The following ZSCAN1 variants were observed in gnomAD, a reference collection of about 807,000 sequenced individuals.
ZSCAN1 encodes zinc finger and SCAN domain containing 1, also known as zinc finger and SCAN domain-containing protein 1.
ZSCAN1 carries 23 observed loss-of-function variants against 23.8 expected under a neutral mutation model. The ratio of observed to expected loss-of-function variants is 0.97; its 90% CI spans 0.70 to 1.37. ZSCAN1 has a LOEUF of 1.37. Among genes scored for constraint, ZSCAN1 ranks in the 40% most tolerant of loss-of-function variants. The pLI is 0.00. For missense variants in ZSCAN1, 575 were observed against 554.0 expected, an observed-to-expected ratio of 1.04 and a Z score of -0.38; for synonymous variants, 236 against 232.3, an observed-to-expected ratio of 1.02 and a Z score of -0.15.
intron 3 of ZSCAN1, among the ~76,000 whole-genome samples, chr19:58,039,283 G>A (rs930542032): frequency 5.9e-5 from 9 of 152,202 alleles, no homozygotes; most frequent in African/African-American, 1.9e-4. Context: ...CTGGCGCTCT[G>A]TGGACCTCAC....
chr19:58,045,207 C>T lies in ZSCAN1; in HGVS notation c.465+4663C>T, dbSNP rs1191865157. On this transcript the variant is annotated intron_variant, in intron 4 of 5. Transcript: ENST00000282326. This position sits in a 1 kb window ranked among gnomAD's most constrained non-coding sequence, Gnocchi z 4.3. ...GCTCCGGTTCTGTGCCGACCTCTTCCGCCTGGTGCCGTTCCTCCTGTTCGT... is the reference window on the plus strand; with the variant it reads ...GCTCCGGTTCTGTGCCGACCTCTTCTGCCTGGTGCCGTTCCTCCTGTTCGT... 4.7e-6 allele frequency: 4 copies of T among 855,006 alleles called. No individual in the cohort carries two copies. Among genetic ancestry groups the T allele is most frequent in the Non-Finnish European group, 6.1e-6 (3 of 489,024 alleles). 53.0% of individuals were successfully genotyped at this position (855,006 alleles called of 1,614,324 possible). A position where few individuals can be genotyped will look rare whatever the true frequency, so the allele number is the denominator to read the frequency against.
In ZSCAN1 at chr19:58,044,259, C is replaced by T. The variant is rs909278477; in HGVS notation, c.465+3715C>T. On this transcript the variant is annotated intron_variant, in intron 4 of 5. Transcript: ENST00000282326. ...TGCACTCCAGCCCGAGCAACAGGAG[C>T]GAAACTCCGTCTCAAAACAAAACAA... is the stretch of plus-strand genomic sequence containing the variant. Among the ~76,000 whole-genome samples the T allele has an allele frequency of 1.3e-4, 20 of 151,678 alleles. 1 individual carries two copies. The East Asian group carries it at 3.0e-3, about 22-fold the overall frequency.
At position 58,045,866 on chromosome 19, in the gene ZSCAN1, A is replaced by G. The variant is rs1282483393; in HGVS notation, c.465+5322A>G. ...ACCCTCTTGCCAGCCGACCAGCTCAAGTCCACACTGCAGACTCTCCCAGAG... is the reference window on the plus strand; with the variant it reads ...ACCCTCTTGCCAGCCGACCAGCTCAGGTCCACACTGCAGACTCTCCCAGAG... On this transcript the variant is annotated intron_variant, in intron 4 of 5. Transcript: ENST00000282326. This position sits in a 1 kb window ranked among gnomAD's most constrained non-coding sequence, Gnocchi z 4.3. The G allele has an allele frequency of 1.6e-5, 17 of 1,040,888 alleles. No individual in the cohort carries two copies. The highest frequency in any genetic ancestry group is 2.0e-4 in the Middle Eastern group (1 of 4,916). 64.5% of individuals were successfully genotyped at this position (1,040,888 alleles called of 1,614,324 possible).
At position 58,038,040 on chromosome 19, in the gene ZSCAN1, G is replaced by A; in HGVS notation, c.204G>A (p.Arg68=). ...GGACGCTGTGCCGCCAGTGGCTGAGGCCCGAGGCGCGCTCCAAGGAGCAGA... is the reference window on the plus strand; with the variant it reads ...GGACGCTGTGCCGCCAGTGGCTGAGACCCGAGGCGCGCTCCAAGGAGCAGA... The part of the protein sequence containing the change: ...QLWTLCRQWL[R]PEARSKEQML... Residue 68 remains arginine (R), a synonymous_variant, in exon 3 of 6, where the codon AGG becomes AGA. Transcript: ENST00000282326. The A allele has an allele frequency of 6.2e-7, 1 of 1,611,688 alleles. No individual in the cohort carries two copies. Among genetic ancestry groups the A allele is most frequent in the Non-Finnish European group, 8.5e-7 (1 of 1,179,712 alleles).
intron 1 of ZSCAN1, among the ~76,000 whole-genome samples, 156 bp from the exon 2 acceptor site, chr19:58,035,814 A>T (rs1420569902): frequency 6.6e-6 from 1 of 152,176 alleles, no homozygotes; most frequent in African/African-American, 2.4e-5. Context: ...AACCAGATGC[A>T]CGAGAACTGC....
rs778282842 is a variant in ZSCAN1, at chr19:58,052,609, C to T, written c.585C>T (p.Pro195=). The change falls in exon 5 of 6, where the codon CCC becomes CCT. Residue 195 remains proline (P), a synonymous_variant. Coordinates refer to ENST00000282326, the MANE Select transcript of ZSCAN1 (RefSeq NM_182572.4). ...ACACCAGGGCGGAGGCCGAAGCGCC[C>T]CGCGCCCCTGGCTTGCTGGGTGAGT... The part of the protein sequence containing the change: ...SLHTRAEAEA[P]RAPGLLGSRA... 22 of 1,606,610 alleles carry T rather than the reference C, an allele frequency of 1.4e-5. 1 individual carries two copies. Among genetic ancestry groups the T allele is most frequent in the Non-Finnish European group, 1.9e-5 (22 of 1,175,958 alleles).
In ZSCAN1 at chr19:58,047,482, C is replaced by G. The variant is rs2073833423; in HGVS notation, c.466-5008C>G. On this transcript the variant is annotated intron_variant, in intron 4 of 5. Transcript: ENST00000282326. This position sits in a 1 kb window ranked among gnomAD's most constrained non-coding sequence, Gnocchi z 4.9. ...CACGCTGGTCGGCCTGCCCCAAGAG[C>G]CATCTCTGACCCAAGCCACGCAACT... is the stretch of plus-strand genomic sequence containing the variant. Among the ~76,000 whole-genome samples, 1 of 152,236 alleles carries G rather than the reference C, an allele frequency of 6.6e-6. No individual in the cohort carries two copies. The highest frequency in any genetic ancestry group is 1.5e-5 in the Non-Finnish European group (1 of 68,042).
At position 58,037,969 on chromosome 19, in the gene ZSCAN1, C is replaced by T. The variant is rs199625285; in HGVS notation, c.133C>T (p.Gln45Ter). ...EAQRLRFRQFQYHVASGPHLA... is the reference protein window; with the variant it reads ...EAQRLRFRQF ...CCAGCGTCTGCGCTTCCGGCAGTTC[C>T]AGTACCACGTGGCGAGCGGGCCGCA... The change falls in exon 3 of 6, where the codon CAG becomes TAG. Residue 45 changes from glutamine (Q) to a stop codon, truncating the protein, a stop_gained. Coordinates refer to ENST00000282326, the MANE Select transcript of ZSCAN1 (RefSeq NM_182572.4). LOFTEE classifies it high-confidence loss of function. The T allele has an allele frequency of 2.8e-4, 454 of 1,606,592 alleles. No homozygotes were observed. The highest frequency in any genetic ancestry group is 3.7e-4 in the Non-Finnish European group (436 of 1,179,528).
chr19:58,053,518 G>A lies in ZSCAN1; in HGVS notation c.694G>A (p.Gly232Arg), dbSNP rs759194102. 4.3e-6 allele frequency: 7 copies of A among 1,614,160 alleles called. No homozygotes were observed. The South Asian group carries it at 6.6e-5, about 15-fold the overall frequency. ...GCCCTCCTCAGACCTGCGGGCAGAA[G>A]GGACTGTGATCTCGAGCCCCAAGGG... is the stretch of plus-strand genomic sequence containing the variant. ...AGPSSDLRAE[G>R]TVISSPKGPS... The change falls in exon 6 of 6, where the codon GGG (glycine) becomes AGG (arginine). Residue 232 changes from glycine to arginine, a missense_variant. Coordinates refer to ENST00000282326, the MANE Select transcript of ZSCAN1 (RefSeq NM_182572.4). The surrounding 1 kb of genome is among the most constrained non-coding windows in gnomAD (Gnocchi z 5.8).
In ZSCAN1 at chr19:58,053,435, G is replaced by A. The variant is rs760687360; in HGVS notation, c.611G>A (p.Arg204Gln). 4.2e-5 allele frequency: 67 copies of A among 1,608,944 alleles called. 1 individual carries two copies. The Admixed American group carries it at 5.2e-4, about 12-fold the overall frequency. Residue 204 changes from arginine (R) to glutamine (Q), a missense_variant, in exon 6 of 6, where the codon CGG becomes CAG. Physicochemically the swap from Arg to Gln is conservative, Grantham distance 43. Transcript: ENST00000282326. The surrounding 1 kb of genome is among the most constrained non-coding windows in gnomAD (Gnocchi z 5.8). ...APRAPGLLGS[R>Q]ARLPLKPSIW... is the part of the protein sequence containing the mutation. ...TCTCCCTCGCCCTCCACAGGGTCCC[G>A]GGCCCGCTTGCCTCTGAAGCCGAGT... is the stretch of plus-strand genomic sequence containing the variant.
Position 58,044,691 on chromosome 19 carries a change from A to C in ZSCAN1, c.465+4147A>C. ...CGGGGTAGTCCGGGGGATCCTGCTC[A>C]TCTCAGCTTGCCAGCACCCTGGGGT... is the stretch of plus-strand genomic sequence containing the variant. On this transcript the variant is annotated intron_variant, in intron 4 of 5. Coordinates refer to ENST00000282326, the MANE Select transcript of ZSCAN1 (RefSeq NM_182572.4). The C allele has an allele frequency of 7.7e-6, 6 of 781,624 alleles. No homozygotes were observed. In the Admixed American group the frequency reaches 1.1e-4, roughly 15 times the overall value. The allele number at this position is 781,624 out of a possible 1,614,324, so 48.4% of individuals were successfully genotyped here.
chr19:58,051,233 C>A (rs2073856954), intron 4 of ZSCAN1, among the ~76,000 whole-genome samples: 1 of 152,164 alleles, frequency 6.6e-6, no homozygotes, highest in Non-Finnish European at 1.5e-5. Context: ...TGACTGTCCA[C>A]AATGGCCCCC....
intron 4 of ZSCAN1, chr19:58,046,916 C>T: frequency 2.0e-6 from 1 of 507,840 alleles, no homozygotes; most frequent in Non-Finnish European, 3.6e-6. Flanking sequence ...CTGTAATTTT[C>T]ATCATTCCAC....
intron 4 of ZSCAN1, among the ~76,000 whole-genome samples, chr19:58,042,496 G>A (rs12975995): frequency 6.6e-6 from 1 of 151,974 alleles, no homozygotes; most frequent in Non-Finnish European, 1.5e-5. Flanking sequence ...CTGACCTCGT[G>A]ATCCACCCGC....
chr19:58,044,338 C>T (rs1364905138), intron 4 of ZSCAN1, among the ~76,000 whole-genome samples: 1 of 151,882 alleles, frequency 6.6e-6, no homozygotes, highest in Non-Finnish European at 1.5e-5. Flanking sequence ...ATCATTATCC[C>T]ACAGAAAGGT....
chr19:58,043,280 T>C, intron 4 of ZSCAN1, among the ~76,000 whole-genome samples: 1 of 152,232 alleles, frequency 6.6e-6, no homozygotes, highest in Non-Finnish European at 1.5e-5. Context: ...CGTGCATACA[T>C]CGCAGAGGGC....
chr19:58,035,610 C>T (rs2073729087), intron 1 of ZSCAN1: 2 of 152,204 alleles, frequency 1.3e-5, no homozygotes, highest in Admixed American at 6.5e-5. Flanking sequence ...TTATTCAAAA[C>T]TACATATATA....
chr19:58,045,046 C>A lies in ZSCAN1; in HGVS notation c.465+4502C>A. On this transcript the variant is annotated intron_variant, in intron 4 of 5. Transcript: ENST00000282326. The surrounding 1 kb of genome is among the most constrained non-coding windows in gnomAD (Gnocchi z 4.3). ...AGAGATGGTGGTGAAGTCCCGGGGGCAGAGAGGGTGCTGGGCGAGCTGAGG... is the reference window on the plus strand; with the variant it reads ...AGAGATGGTGGTGAAGTCCCGGGGGAAGAGAGGGTGCTGGGCGAGCTGAGG... The A allele has an allele frequency of 9.0e-7, 1 of 1,110,240 alleles. No homozygotes were observed. Among genetic ancestry groups the A allele is most frequent in the Non-Finnish European group, 1.4e-6 (1 of 725,486 alleles). The allele number at this position is 1,110,240 out of a possible 1,614,324, so 68.8% of individuals were successfully genotyped here.
At position 58,045,123 on chromosome 19, in the gene ZSCAN1, C is replaced by T; in HGVS notation, c.465+4579C>T. The T allele has an allele frequency of 3.2e-6, 4 of 1,252,780 alleles. No individual in the cohort carries two copies. The highest frequency in any genetic ancestry group is 2.4e-5 in the South Asian group (2 of 83,010). 77.6% of individuals were successfully genotyped at this position (1,252,780 alleles called of 1,614,324 possible). ...ACGGATCCACACCAAGATCGCAGCACGCATGCTCTGGCGCATCCTCAACTG... is the reference window on the plus strand; with the variant it reads ...ACGGATCCACACCAAGATCGCAGCATGCATGCTCTGGCGCATCCTCAACTG... On this transcript the variant is annotated intron_variant, in intron 4 of 5. Transcript: ENST00000282326. This position sits in a 1 kb window ranked among gnomAD's most constrained non-coding sequence, Gnocchi z 4.3.
Sources: gnomAD v4.1 joint callset for allele counts (sites outside exome capture counted in the v4.1 genomes callset) on GRCh38, gnomAD v4.1.1 for gene constraint, Gnocchi (gnomAD v3.1) non-coding constraint, MANE v1.5 for transcripts, NCBI Gene and HGNC (gene_info 2026-07-23, HGNC 2026-07-21) for gene names.